ALDH18A1: variants seen among roughly 807,000 people sequenced by gnomAD.
ALDH18A1 encodes the protein delta-1-pyrroline-5-carboxylate synthase.
ALDH18A1 carries 44 observed loss-of-function variants against 88.8 expected under a neutral mutation model. The ratio of observed to expected loss-of-function variants is 0.50; its 90% CI spans 0.39 to 0.64. The LOEUF (loss-of-function observed/expected upper bound fraction) is 0.64, where lower values mean the gene tolerates loss of function less well. Among genes scored for constraint, ALDH18A1 ranks in the 30% least tolerant of loss-of-function variants. The pLI, the probability that ALDH18A1 is intolerant of heterozygous loss-of-function variation, is 0.00. For synonymous variants in ALDH18A1, 331 were observed against 372.1 expected (o/e 0.89, Z 1.27); for missense variants, 782 against 1,009.5 (o/e 0.77, Z 3.05).
intron 1 of ALDH18A1, among the ~76,000 whole-genome samples, chr10:95,655,177 T>C (rs2097916026): frequency 6.6e-6 from 1 of 151,978 alleles, no homozygotes; most frequent in Non-Finnish European, 1.5e-5. Flanking sequence ...TTAGGGTACA[T>C]GTGCACAATG....
chr10:95,628,875 T>G (rs914950132), intron 7 of ALDH18A1: 8 of 327,302 alleles, frequency 2.4e-5, no homozygotes, highest in African/African-American at 1.5e-4. Context: ...AGAAACAGCA[T>G]AGCAGCCATA....
At chr10:95,624,170 G>A (rs1284376018) in intron 11 of ALDH18A1, among the ~76,000 whole-genome samples, 3 of 152,188 alleles carry the variant, frequency 2.0e-5, no homozygotes, top group East Asian at 3.9e-4. Flanking sequence ...TAGTTTTTGA[G>A]GATAAATTCC....
chr10:95,609,001 G>A (rs996084936), intron 17 of ALDH18A1, among the ~76,000 whole-genome samples: 5 of 152,116 alleles, frequency 3.3e-5, no homozygotes, highest in East Asian at 3.9e-4. Context: ...TCAGCCTCCC[G>A]AGTAGCTGGG....
intron 7 of ALDH18A1, among the ~76,000 whole-genome samples, chr10:95,629,033 G>A (rs919426202): frequency 6.6e-6 from 1 of 152,228 alleles, no homozygotes; most frequent in South Asian, 2.1e-4. Context: ...CAGCAGGAGA[G>A]TGCGTGACTC....
In ALDH18A1 at chr10:95,621,314, ATG is replaced by A; in HGVS notation, c.1247-65_1247-64del. 4 of 1,007,780 alleles carry A rather than the reference ATG, an allele frequency of 4.0e-6. No homozygotes were observed. The South Asian group carries it at 4.3e-5, about 11-fold the overall frequency. 62.4% of individuals were successfully genotyped at this position (1,007,780 alleles called of 1,614,324 possible). The stretch of plus-strand genomic sequence containing the variant: ...CCTGGCAGGCTACAGCTACCAACCG[ATG>A]TGTCTTTTTTTTTTTTTTTTTGAGA... On this transcript the variant is annotated intron_variant, in intron 11 of 17. Transcript: ENST00000371224.
Position 95,606,821 on chromosome 10 carries a change from GCT to G in ALDH18A1, c.2327_2328del (p.Glu776AlafsTer9), listed in dbSNP as rs1355803004. ...TCATGAAGATATTTTAAACTTCCAT[GCT>G]CTGAGAAATCTGAGACCACGTGGTC... The part of the protein sequence containing the change: ...GKDHVVSDFS[E>X]HGSLKYLHEN... On this transcript the variant is annotated frameshift_variant, in exon 18 of 18. Coordinates refer to ENST00000371224, the MANE Select transcript of ALDH18A1 (RefSeq NM_002860.4). LOFTEE classifies it high-confidence loss of function. The G allele has an allele frequency of 6.2e-7, 1 of 1,614,190 alleles. No individual in the cohort carries two copies. The highest frequency in any genetic ancestry group is 8.5e-7 in the Non-Finnish European group (1 of 1,180,024).
chr10:95,653,532 G>C, intron 1 of ALDH18A1, 127 bp from the exon 2 acceptor site: 1 of 756,750 alleles, frequency 1.3e-6, no homozygotes, highest in Non-Finnish European at 2.3e-6. Context: ...TCTGTATTAG[G>C]GAAACTCCCA....
chr10:95,622,956 A>G (rs1195430755), intron 11 of ALDH18A1, among the ~76,000 whole-genome samples: 29 of 152,180 alleles, frequency 1.9e-4, no homozygotes, highest in Admixed American at 1.9e-3. Flanking sequence ...TTGAAATCAT[A>G]TATCACAAAT....
intron 2 of ALDH18A1, among the ~76,000 whole-genome samples, chr10:95,651,086 T>C (rs986600205): frequency 3.3e-5 from 5 of 151,990 alleles, no homozygotes; most frequent in African/African-American, 1.2e-4. Flanking sequence ...TGAGCTGAGA[T>C]TGCGCCACTA....
At chr10:95,634,440 C>T (rs1260457564) in intron 5 of ALDH18A1, among the ~76,000 whole-genome samples, 1 of 152,182 alleles carries the variant, frequency 6.6e-6, no homozygotes, top group East Asian at 1.9e-4. Flanking sequence ...GGATCTGATT[C>T]AGGGCCTGGC....
intron 2 of ALDH18A1, 52 bp downstream of exon 2, chr10:95,653,238 T>C (rs1275420142): frequency 7.6e-6 from 11 of 1,445,232 alleles, no homozygotes; most frequent in African/African-American, 1.4e-5. Flanking sequence ...TGTTGAAACA[T>C]ACTTTGACTA....
At chr10:95,615,347 A>T (rs1420514469) in intron 13 of ALDH18A1, among the ~76,000 whole-genome samples, 1 of 152,062 alleles carries the variant, frequency 6.6e-6, no homozygotes, top group African/African-American at 2.4e-5. Context: ...TCAAAAAAAA[A>T]AAAAAAGGCA....
Position 95,614,348 on chromosome 10 carries a change from T to C in ALDH18A1, c.1606-187A>G, listed in dbSNP as rs554639955. The stretch of plus-strand genomic sequence containing the variant: ...ATCAAAAAGTTGTCCAGCAAATGCT[T>C]ATCAAACACTATATACTCGGTGCTG... On this transcript the variant is annotated intron_variant, in intron 13 of 17. Transcript: ENST00000371224. Among the ~76,000 whole-genome samples, 7 of 152,236 alleles carry C rather than the reference T, an allele frequency of 4.6e-5. No homozygotes were observed. The East Asian group carries it at 5.8e-4, about 13-fold the overall frequency.
At chr10:95,634,880 T>C (rs977911546) in intron 5 of ALDH18A1, among the ~76,000 whole-genome samples, 1 of 152,006 alleles carries the variant, frequency 6.6e-6, no homozygotes, top group Non-Finnish European at 1.5e-5. Context: ...GCGTTCTTGC[T>C]GTGTAGGGCA....
chr10:95,654,080 C>T (rs2097914320), intron 1 of ALDH18A1, among the ~76,000 whole-genome samples: 1 of 151,812 alleles, frequency 6.6e-6, no homozygotes, highest in African/African-American at 2.4e-5. Flanking sequence ...AAATTTGAGA[C>T]TTTAGACAAA....
intron 3 of ALDH18A1, 104 bp from the exon 4 acceptor site, chr10:95,637,540 C>T: frequency 2.2e-6 from 3 of 1,390,810 alleles, no homozygotes; most frequent in Non-Finnish European, 3.0e-6. Flanking sequence ...ATCCCAAATG[C>T]TGGTTTATGA....
chr10:95,616,486 G>A lies in ALDH18A1; in HGVS notation c.1596C>T (p.Ala532=), dbSNP rs200730342. 106 of 1,566,536 alleles carry A rather than the reference G, an allele frequency of 6.8e-5. 1 individual carries two copies. Among genetic ancestry groups the A allele is most frequent in the Middle Eastern group, 3.3e-4 (2 of 6,006 alleles). The change falls in exon 13 of 18, where the codon GCC becomes GCT. Residue 532 remains alanine (A), a synonymous_variant. Coordinates refer to ENST00000371224, the MANE Select transcript of ALDH18A1 (RefSeq NM_002860.4). ...EALSIHGVKE[A]VQLVNTREEV... is the part of the protein sequence containing the mutation. ...ATTCCCAGGGACCTACCAGTTGCAC[G>A]GCCTCCTTGACTCCATGGATTGAGA...
chr10:95,616,435 TG>T, intron 13 of ALDH18A1, 41 bp downstream of exon 13: 1 of 1,552,560 alleles, frequency 6.4e-7, no homozygotes, highest in South Asian at 1.2e-5. Context: ...ACACCTGATC[TG>T]GCCCCTCTGG....
Position 95,621,182 on chromosome 10 carries a change from C to T in ALDH18A1, c.1316G>A (p.Gly439Asp). 6.2e-7 allele frequency: 1 copy of T among 1,614,090 alleles called. No individual in the cohort carries two copies. Among genetic ancestry groups the T allele is most frequent in the Non-Finnish European group, 8.5e-7 (1 of 1,180,016 alleles). ...GGAGGAGGCTGCGATCTGTCGCAGACCGATGGCCAGGCTGTTCAATTTGGA... is the reference window on the plus strand; with the variant it reads ...GGAGGAGGCTGCGATCTGTCGCAGATCGATGGCCAGGCTGTTCAATTTGGA... ...STSKLNSLAI[G>D]LRQIAASSQD... Residue 439 changes from glycine (G) to aspartate (D), a missense_variant, in exon 12 of 18, where the codon GGT becomes GAT. This residue lies in a region of ALDH18A1 where 556 missense variants were observed against 654.5 expected (regional missense o/e 0.85). Transcript: ENST00000371224.
Sources: allele counts gnomAD v4.1 joint callset (sites outside exome capture counted in the v4.1 genomes callset), GRCh38; gene constraint gnomAD v4.1.1; regional missense constraint gnomAD v4.1.1; transcripts MANE v1.5; gene names NCBI Gene and HGNC (gene_info 2026-07-23, HGNC 2026-07-21).